The following CDKAL1 variants were observed in gnomAD, a reference collection of about 807,000 sequenced individuals.
CDKAL1 encodes CDKAL1 threonylcarbamoyladenosine tRNA methylthiotransferase, also known as threonylcarbamoyladenosine tRNA methylthiotransferase.
Under a neutral mutation model 68.2 loss-of-function variants are expected in CDKAL1, and 32 were observed. The observed-to-expected ratio is 0.47, with a 90% confidence interval of 0.35 to 0.63. CDKAL1 has a LOEUF of 0.63. Ranked by LOEUF, CDKAL1 falls within the 30% of genes least tolerant of loss-of-function variation. The pLI, the probability that CDKAL1 is intolerant of heterozygous loss-of-function variation, is 0.00. For synonymous variants in CDKAL1, 234 were observed against 244.3 expected, an observed-to-expected ratio of 0.96 and a Z score of 0.39; for missense variants, 606 against 696.7, an observed-to-expected ratio of 0.87 and a Z score of 1.47.
chr6:20,548,360 C>T (rs1205786063), intron 3 of CDKAL1, among the ~76,000 whole-genome samples: 3 of 151,976 alleles, frequency 2.0e-5, no homozygotes, highest in Non-Finnish European at 4.4e-5. Context: ...TAGTGGGCCA[C>T]TGTCTCTACA....
intron 11 of CDKAL1, among the ~76,000 whole-genome samples, chr6:21,002,085 G>A (rs921673234): frequency 6.6e-6 from 1 of 152,154 alleles, no homozygotes; most frequent in African/African-American, 2.4e-5. Flanking sequence ...CACAAGTTAC[G>A]TTGTTCTGGA....
chr6:20,650,304 C>G (rs1159509377), intron 5 of CDKAL1, among the ~76,000 whole-genome samples: 3 of 152,200 alleles, frequency 2.0e-5, no homozygotes, highest in African/African-American at 7.2e-5. Flanking sequence ...TTGCATTTCT[C>G]TAATGATCAG....
At chr6:20,612,885 C>T (rs943251991) in intron 4 of CDKAL1, among the ~76,000 whole-genome samples, 2 of 151,678 alleles carry the variant, frequency 1.3e-5, no homozygotes, top group Non-Finnish European at 2.9e-5. Context: ...TTGAATGGCA[C>T]AAAATTCAAA....
intron 4 of CDKAL1, among the ~76,000 whole-genome samples, chr6:20,641,668 C>T (rs1264078607): frequency 2.0e-5 from 3 of 152,180 alleles, no homozygotes; most frequent in Non-Finnish European, 4.4e-5. Context: ...CAAATTGGCA[C>T]GTAGAGATTT....
At chr6:21,185,666 T>C (rs78076731) in intron 13 of CDKAL1, among the ~76,000 whole-genome samples, 18,401 of 152,208 alleles carry the variant, frequency 0.12, 1,337 homozygotes, top group Non-Finnish European at 0.16. Flanking sequence ...TGTGTGCACA[T>C]AGCAAATTAC....
chr6:20,940,783 AC>A (rs1432205922), intron 9 of CDKAL1, among the ~76,000 whole-genome samples: 1 of 152,120 alleles, frequency 6.6e-6, no homozygotes, highest in Non-Finnish European at 1.5e-5. Context: ...TCAGATGTGT[AC>A]CTTGGCACTT....
intron 15 of CDKAL1, among the ~76,000 whole-genome samples, chr6:21,209,352 A>G (rs562798043): frequency 6.6e-6 from 1 of 152,336 alleles, no homozygotes; most frequent in South Asian, 2.1e-4. Flanking sequence ...GCTAAGCGCT[A>G]AGGAAAAGAA....
At chr6:21,097,020 A>G (rs915299526) in intron 12 of CDKAL1, among the ~76,000 whole-genome samples, 1 of 152,248 alleles carries the variant, frequency 6.6e-6, no homozygotes, top group Non-Finnish European at 1.5e-5. Flanking sequence ...TAGAAATACT[A>G]AAATTATTGG....
intron 9 of CDKAL1, among the ~76,000 whole-genome samples, chr6:20,931,598 T>C (rs1379057835): frequency 1.3e-5 from 2 of 152,194 alleles, no homozygotes; most frequent in Non-Finnish European, 2.9e-5. Flanking sequence ...TTAGAACACA[T>C]TCTAAAGATG....
At chr6:21,172,616 G>C (rs1777433769) in intron 13 of CDKAL1, among the ~76,000 whole-genome samples, 1 of 152,136 alleles carries the variant, frequency 6.6e-6, no homozygotes, top group South Asian at 2.1e-4. Context: ...AATTAGCCAG[G>C]CATGGTAGCA....
intron 13 of CDKAL1, among the ~76,000 whole-genome samples, chr6:21,154,555 G>T (rs1776554909): frequency 6.6e-6 from 1 of 152,092 alleles, no homozygotes; most frequent in South Asian, 2.1e-4. Flanking sequence ...CTGAAGCAAT[G>T]GTGTAACTAG....
chr6:21,175,868 G>A (rs576606709), intron 13 of CDKAL1, among the ~76,000 whole-genome samples: 13 of 152,244 alleles, frequency 8.5e-5, no homozygotes, highest in Non-Finnish European at 1.0e-4. Context: ...GATTAATTAA[G>A]CATTTGTAAC....
At chr6:20,718,515 A>G (rs1026945235) in intron 5 of CDKAL1, among the ~76,000 whole-genome samples, 3 of 152,210 alleles carry the variant, frequency 2.0e-5, no homozygotes, top group Admixed American at 2.0e-4. Flanking sequence ...TATGGAGTTC[A>G]AATTTGCATA....
intron 13 of CDKAL1, among the ~76,000 whole-genome samples, chr6:21,140,905 T>C (rs1464428477): frequency 6.6e-6 from 1 of 152,122 alleles, no homozygotes; most frequent in Non-Finnish European, 1.5e-5. Flanking sequence ...AAAAGGCACT[T>C]CTTACATGGC....
chr6:20,625,477 A>G (rs1014951143), intron 4 of CDKAL1, among the ~76,000 whole-genome samples: 5 of 152,128 alleles, frequency 3.3e-5, no homozygotes, highest in African/African-American at 9.7e-5. Context: ...TCACTAAATG[A>G]ATTGAAAAGT....
chr6:20,619,960 C>G (rs1767102274), intron 4 of CDKAL1, among the ~76,000 whole-genome samples: 1 of 152,192 alleles, frequency 6.6e-6, no homozygotes, highest in Non-Finnish European at 1.5e-5. Flanking sequence ...CTAACTCACA[C>G]CTCTCTTCTT....
intron 11 of CDKAL1, among the ~76,000 whole-genome samples, chr6:21,020,616 C>G (rs1768595591): frequency 6.6e-6 from 1 of 151,918 alleles, no homozygotes; most frequent in African/African-American, 2.4e-5. Context: ...TACGGGCATG[C>G]ACCACCACGC....
At chr6:21,022,080 G>A (rs1263173996) in intron 11 of CDKAL1, among the ~76,000 whole-genome samples, 5 of 152,260 alleles carry the variant, frequency 3.3e-5, no homozygotes, top group East Asian at 1.9e-4. Flanking sequence ...TTTCAGCAAC[G>A]GTAGCTGGGC....
intron 10 of CDKAL1, among the ~76,000 whole-genome samples, chr6:20,956,087 A>G (rs1420550545): frequency 6.6e-6 from 1 of 152,230 alleles, no homozygotes; most frequent in Non-Finnish European, 1.5e-5. Flanking sequence ...GACACAGAGC[A>G]AGGTACTCTT....
Sources: allele counts gnomAD v4.1 joint callset (sites outside exome capture counted in the v4.1 genomes callset), GRCh38; gene constraint gnomAD v4.1.1; transcripts MANE v1.5; gene names NCBI Gene and HGNC (gene_info 2026-07-23, HGNC 2026-07-21).